The following ENO1 variants were observed in gnomAD, a reference collection of about 807,000 sequenced individuals.
ENO1 encodes enolase 1.
A neutral mutation model predicts 46.3 loss-of-function variants in ENO1; 33 were observed. The ratio of observed to expected loss-of-function variants is 0.71; its 90% CI spans 0.54 to 0.95. The LOEUF (loss-of-function observed/expected upper bound fraction) is 0.95, where lower values mean the gene tolerates loss of function less well. ENO1 is among the 40% of genes least tolerant of loss of function. ENO1 has a pLI of 0.00. For synonymous variants in ENO1, 220 were observed against 216.0 expected (o/e 1.02, Z -0.16); for missense variants, 488 against 553.3 (o/e 0.88, Z 1.18).
intron 2 of ENO1, among the ~76,000 whole-genome samples, chr1:8,874,591 AAAAAAAAAAG>A (rs1371057814): frequency 2.0e-5 from 3 of 149,050 alleles, no homozygotes; most frequent in Non-Finnish European, 1.5e-5. Context: ...AAAAAAAAAA[AAAAAAAAAAG>A]AAAAAGAAAA....
chr1:8,862,842 C>CT (rs776736469), intron 11 of ENO1, 45 bp downstream of exon 11: 2 of 1,606,618 alleles, frequency 1.2e-6, no homozygotes, highest in East Asian at 4.5e-5. Context: ...TGCAGGCCCC[C>CT]ACCTAGTGAA....
At chr1:8,877,876 C>CAAAAAA (rs34081530) in intron 1 of ENO1, 6 of 141,534 alleles carry the variant, frequency 4.2e-5, no homozygotes, top group African/African-American at 1.6e-4. Context: ...TAGCAAAACT[C>CAAAAAA]AAAAAAAAAA....
intron 4 of ENO1, among the ~76,000 whole-genome samples, chr1:8,868,590 C>CA (rs1642570340): frequency 6.6e-6 from 1 of 152,198 alleles, no homozygotes; most frequent in Non-Finnish European, 1.5e-5. Context: ...AATGATGGAT[C>CA]AAAATGAATT....
chr1:8,867,556 TTTTTTTTC>T (rs1461872262), intron 5 of ENO1, among the ~76,000 whole-genome samples: 4 of 151,894 alleles, frequency 2.6e-5, no homozygotes, highest in African/African-American at 9.7e-5. Flanking sequence ...AAAAAAATTT[TTTTTTTTC>T]TTTTTTTTTG....
intron 4 of ENO1, among the ~76,000 whole-genome samples, chr1:8,868,729 A>C (rs1333780695): frequency 6.6e-6 from 1 of 152,242 alleles, no homozygotes; most frequent in Non-Finnish European, 1.5e-5. Context: ...TCTGTTGCCA[A>C]GGCAGGAATG....
chr1:8,871,344 T>C (rs1049248316), intron 3 of ENO1: 12 of 992,166 alleles, frequency 1.2e-5, no homozygotes, highest in Non-Finnish European at 1.4e-5. Context: ...AGGTCAATGT[T>C]GCACACACAC....
chr1:8,876,559 T>C (rs1308781596), intron 1 of ENO1, among the ~76,000 whole-genome samples: 2 of 152,140 alleles, frequency 1.3e-5, no homozygotes, highest in African/African-American at 2.4e-5. Context: ...GCAATTTTAT[T>C]AGGGTGCCTC....
intron 7 of ENO1, 152 bp from the exon 8 acceptor site, chr1:8,865,634 T>G (rs534711275): frequency 5.9e-5 from 44 of 740,872 alleles, no homozygotes; most frequent in Middle Eastern, 3.9e-4. Context: ...TTTTTCTGCT[T>G]TGGGGCAAGA....
rs1158621300 is a variant in ENO1 at position 8,861,271 on chromosome 1, T to C, written c.*89A>G. ...TAACTAGCAGGGACCCCTGCAAGTG[T>C]TGGTCGGGGGCCTCGAGCTGCCTGA... On this transcript the variant is annotated 3_prime_UTR_variant, in exon 12 of 12. Transcript: ENST00000234590. 9.4e-6 allele frequency: 13 copies of C among 1,382,272 alleles called. No individual in the cohort carries two copies. The highest frequency in any genetic ancestry group is 3.5e-5 in the Admixed American group (2 of 57,300). 85.6% of individuals were successfully genotyped at this position (1,382,272 alleles called of 1,614,324 possible). A position where few individuals can be genotyped will look rare whatever the true frequency, so the allele number is the denominator to read the frequency against.
chr1:8,863,103 G>A (rs976163865), intron 10 of ENO1, 132 bp downstream of exon 10: 1 of 1,346,906 alleles, frequency 7.4e-7, no homozygotes, highest in Non-Finnish European at 1.0e-6. Flanking sequence ...CCCCCATTCT[G>A]TTCAGCCTCA....
At chr1:8,870,921 A>G (rs1557584991) in intron 3 of ENO1, 1 of 1,255,824 alleles carries the variant, frequency 8.0e-7, no homozygotes, top group Non-Finnish European at 1.0e-6. Flanking sequence ...AATGAGAGAG[A>G]CTCAGAAGAG....
At chr1:8,872,242 T>C (rs1002005100) in intron 2 of ENO1, among the ~76,000 whole-genome samples, 2 of 152,206 alleles carry the variant, frequency 1.3e-5, no homozygotes, top group African/African-American at 4.8e-5. Context: ...ACATGCCACC[T>C]GGAGGTCTTG....
chr1:8,876,219 T>G (rs1409594619), intron 1 of ENO1: 1 of 152,218 alleles, frequency 6.6e-6, no homozygotes, highest in African/African-American at 2.4e-5. Context: ...CTCCAACATC[T>G]TCTCTGGAAT....
intron 2 of ENO1, among the ~76,000 whole-genome samples, chr1:8,872,982 AG>A (rs954992824): frequency 6.6e-5 from 10 of 152,364 alleles, no homozygotes; most frequent in African/African-American, 2.4e-4. Flanking sequence ...GATGGTGTCA[AG>A]GAAGATGTTG....
intron 1 of ENO1, chr1:8,876,014 G>A (rs541615472): frequency 6.6e-6 from 1 of 152,054 alleles, no homozygotes; most frequent in East Asian, 1.9e-4. Flanking sequence ...CAAGGGAAGG[G>A]GCTTCCTTTA....
Position 8,871,906 on chromosome 1 carries a change from G to T in ENO1, c.166C>A (p.Arg56Ser). 6.2e-7 allele frequency: 1 copy of T among 1,614,046 alleles called. No homozygotes were observed. Among genetic ancestry groups the T allele is most frequent in the Non-Finnish European group, 8.5e-7 (1 of 1,180,004 alleles). The change falls in exon 3 of 12, where the codon CGC becomes AGC. Residue 56 changes from arginine (R) to serine (S), a missense_variant. By Grantham distance (110) the Arg-to-Ser change is moderately radical. Transcript: ENST00000234590. ...TAAGGCTTACCCTTCCCCATATAGC[G>T]AGTCTTATCATTGTCCCGGAGCTCT... ...ALELRDNDKTRYMGKGVSKAV... is the reference protein window; with the variant it reads ...ALELRDNDKTSYMGKGVSKAV...
At chr1:8,865,214 A>G in intron 8 of ENO1, 71 bp downstream of exon 8, 2 of 1,578,894 alleles carry the variant, frequency 1.3e-6, no homozygotes, top group Non-Finnish European at 1.7e-6. Context: ...ATCACCAGCC[A>G]GCCAGATGCT....
intron 1 of ENO1, 197 bp downstream of exon 1, chr1:8,878,383 T>A: frequency 3.2e-6 from 1 of 315,456 alleles, no homozygotes; most frequent in Non-Finnish European, 6.1e-6. Flanking sequence ...CACGTGCGCC[T>A]GGCATTGCGC....
chr1:8,877,823 C>G lies in ENO1; in HGVS notation c.-10+757G>C, dbSNP rs191511877. 1,184 of 151,928 alleles carry G rather than the reference C, an allele frequency of 7.8e-3. 10 individuals are homozygous for G. The highest frequency in any genetic ancestry group is 0.014 in the Middle Eastern group (4 of 292). 9.4% of individuals were successfully genotyped at this position (151,928 alleles called of 1,614,324 possible). On this transcript the variant is annotated intron_variant, in intron 1 of 11. Transcript: ENST00000234590. ...CCAGGAGGCCGAGGTTGCGGTGAAC[C>G]GAGATCCGAGATCGCGCAATTGCAC...
Sources: allele counts gnomAD v4.1 joint callset (sites outside exome capture counted in the v4.1 genomes callset), GRCh38; gene constraint gnomAD v4.1.1; transcripts MANE v1.5; gene names NCBI Gene and HGNC (gene_info 2026-07-23, HGNC 2026-07-21).